TP53I11: variants seen among roughly 807,000 people sequenced by gnomAD.
The protein encoded by TP53I11 is tumor protein p53 inducible protein 11.
Under a neutral mutation model 23.3 loss-of-function variants are expected in TP53I11, and 9 were observed. The observed-to-expected ratio is 0.39, with a 90% CI of 0.23 to 0.67. The LOEUF (loss-of-function observed/expected upper bound fraction) is 0.67, where lower values mean the gene tolerates loss of function less well. Ranked by LOEUF, TP53I11 falls within the 30% of genes least tolerant of loss-of-function variation. TP53I11 has a pLI of 0.48. For synonymous variants in TP53I11, 100 were observed against 106.1 expected (o/e 0.94, Z 0.35); for missense variants, 170 against 255.2 (o/e 0.67, Z 2.27).
chr11:44,937,453 A>G, intron 3 of TP53I11, 101 bp from the exon 4 acceptor site: 2 of 1,522,884 alleles, frequency 1.3e-6, no homozygotes, highest in Non-Finnish European at 8.9e-7. Flanking sequence ...GTAATGAGAC[A>G]AAATAAAATC....
chr11:44,950,412 G>A (rs926585584), intron 1 of TP53I11, among the ~76,000 whole-genome samples: 1 of 152,184 alleles, frequency 6.6e-6, no homozygotes, highest in African/African-American at 2.4e-5. Context: ...CAGAGGGAGG[G>A]GCGGCGAGGG....
At chr11:44,947,549 C>A (rs1019570093) in intron 1 of TP53I11, among the ~76,000 whole-genome samples, 1 of 152,180 alleles carries the variant, frequency 6.6e-6, no homozygotes, top group Non-Finnish European at 1.5e-5. Context: ...CAAAAGCAAG[C>A]GGTGATTTGT....
At chr11:44,937,016 G>T in intron 4 of TP53I11, 117 bp from the exon 5 acceptor site, 1 of 816,908 alleles carries the variant, frequency 1.2e-6, no homozygotes, top group Non-Finnish European at 1.9e-6. Context: ...ATCCTTGGGG[G>T]CAGTCCAGGG....
chr11:44,936,884 C>A lies in TP53I11; in HGVS notation c.253G>T (p.Asp85Tyr). ...TCAAAGACCGCATCATAGAGCTGGT[C>A]AGGGAAGGCAAGCGCCTGCGGGCAG... is the stretch of plus-strand genomic sequence containing the variant. ...GIAIMALAFPDQLYDAVFDGA... is the reference protein window; with the variant it reads ...GIAIMALAFPYQLYDAVFDGA... Residue 85 changes from aspartate to tyrosine, a missense_variant, in exon 5 of 7, where the codon GAC (aspartate) becomes TAC (tyrosine). Asp to Tyr is a radical substitution (Grantham distance 160). Coordinates refer to ENST00000525680, the MANE Select transcript of TP53I11 (RefSeq NM_006034.5). The surrounding 1 kb of genome is among the most constrained non-coding windows in gnomAD (Gnocchi z 4.4). 6.2e-7 allele frequency: 1 copy of A among 1,607,304 alleles called. No homozygotes were observed. Among genetic ancestry groups the A allele is most frequent in the South Asian group, 1.1e-5 (1 of 89,274 alleles).
At chr11:44,944,406 A>G (rs895811138) in intron 1 of TP53I11, among the ~76,000 whole-genome samples, 3 of 152,182 alleles carry the variant, frequency 2.0e-5, no homozygotes, top group African/African-American at 7.2e-5. Context: ...GGCCCTCTTC[A>G]GCCAAGATCT....
In TP53I11 at chr11:44,936,620, C is replaced by T. The variant is rs1307850608; in HGVS notation, c.334+183G>A. On this transcript the variant is annotated intron_variant, in intron 5 of 6. Transcript: ENST00000525680. The surrounding 1 kb of genome is among the most constrained non-coding windows in gnomAD (Gnocchi z 4.4). ...CTCCAACCCACTGGGTGTATTCCAC[C>T]AATGGCCACAAGATGGCAGCACATC... 2.2e-6 allele frequency: 3 copies of T among 1,337,442 alleles called. No homozygotes were observed. Among genetic ancestry groups the T allele is most frequent in the Non-Finnish European group, 2.9e-6 (3 of 1,044,698 alleles). The allele number at this position is 1,337,442 out of a possible 1,614,324, so 82.8% of individuals were successfully genotyped here. A position where few individuals can be genotyped will look rare whatever the true frequency, so the allele number is the denominator to read the frequency against.
chr11:44,942,811 C>T (rs1015530293), intron 1 of TP53I11, among the ~76,000 whole-genome samples: 3 of 152,164 alleles, frequency 2.0e-5, no homozygotes, highest in African/African-American at 7.2e-5. Flanking sequence ...CTGAGAACGG[C>T]GCTCCACCCC....
intron 4 of TP53I11, 133 bp from the exon 5 acceptor site, chr11:44,937,032 AC>A (rs981758000): frequency 1.3e-6 from 1 of 775,968 alleles, no homozygotes; most frequent in African/African-American, 1.8e-5. Flanking sequence ...CAGGGTCTGG[AC>A]CCAATTGTCC....
Position 44,936,163 on chromosome 11 carries a change from C to T in TP53I11, c.335-501G>A. On this transcript the variant is annotated intron_variant, in intron 5 of 6. Coordinates refer to ENST00000525680, the MANE Select transcript of TP53I11 (RefSeq NM_006034.5). This position sits in a 1 kb window ranked among gnomAD's most constrained non-coding sequence, Gnocchi z 4.4. ...ATACTTTTTAGCAGAAGACCACTGA[C>T]TTGGCCTCTAGCAGGCCCCGCCCAC... is the stretch of plus-strand genomic sequence containing the variant. 2 of 967,730 alleles carry T rather than the reference C, an allele frequency of 2.1e-6. No individual in the cohort carries two copies. The highest frequency in any genetic ancestry group is 2.5e-6 in the Non-Finnish European group (2 of 807,086). The allele number at this position is 967,730 out of a possible 1,614,324, so 59.9% of individuals were successfully genotyped here.
Position 44,938,201 on chromosome 11 carries a change from C to A in TP53I11, c.129+6G>T, listed in dbSNP as rs745732020. On this transcript the variant is annotated splice_donor_region_variant and intron_variant, in intron 2 of 6. Coordinates refer to ENST00000525680, the MANE Select transcript of TP53I11 (RefSeq NM_006034.5). ...GGGTGCCGGAGGCCCCTGCTCTGCA[C>A]CCCACCTTGGAGCGATGCACCTCCC... The A allele has an allele frequency of 1.2e-6, 2 of 1,611,272 alleles. No individual in the cohort carries two copies. Among genetic ancestry groups the A allele is most frequent in the South Asian group, 2.2e-5 (2 of 90,588 alleles).
intron 1 of TP53I11, among the ~76,000 whole-genome samples, chr11:44,942,258 A>ACACACACCCAC (rs1464927074): frequency 7.2e-6 from 1 of 138,674 alleles, no homozygotes; most frequent in Non-Finnish European, 1.6e-5. Context: ...CCCACACACT[A>ACACACACCCAC]CACACACCCA....
chr11:44,944,381 C>T lies in TP53I11; in HGVS notation c.-31-6015G>A, dbSNP rs572616642. ...GGCATTTGTGATTGAATGAATGAGT[C>T]GGGAGGAGCTAAGAGGCCCTCTTCA... On this transcript the variant is annotated intron_variant, in intron 1 of 6. Coordinates refer to ENST00000525680, the MANE Select transcript of TP53I11 (RefSeq NM_006034.5). 3.3e-5 allele frequency among the ~76,000 whole-genome samples: 5 copies of T among 152,274 alleles called. No homozygotes were observed. The East Asian group carries it at 9.6e-4, about 29-fold the overall frequency.
In TP53I11 at chr11:44,936,162, A is replaced by C; in HGVS notation, c.335-500T>G. ...CATACTTTTTAGCAGAAGACCACTG[A>C]CTTGGCCTCTAGCAGGCCCCGCCCA... On this transcript the variant is annotated intron_variant, in intron 5 of 6. Transcript: ENST00000525680. This position sits in a 1 kb window ranked among gnomAD's most constrained non-coding sequence, Gnocchi z 4.4. The C allele has an allele frequency of 1.0e-6, 1 of 956,848 alleles. No homozygotes were observed. The highest frequency in any genetic ancestry group is 1.3e-6 in the Non-Finnish European group (1 of 797,482). The allele number at this position is 956,848 out of a possible 1,614,324, so 59.3% of individuals were successfully genotyped here.
In TP53I11 at chr11:44,936,861, A is replaced by G; in HGVS notation, c.276T>C (p.Phe92=). 6.2e-7 allele frequency: 1 copy of G among 1,609,776 alleles called. No homozygotes were observed. The highest frequency in any genetic ancestry group is 8.5e-7 in the Non-Finnish European group (1 of 1,178,564). Residue 92 remains phenylalanine (F), a synonymous_variant, in exon 5 of 7, where the codon TTT becomes TTC. Transcript: ENST00000525680. This position sits in a 1 kb window ranked among gnomAD's most constrained non-coding sequence, Gnocchi z 4.4. The stretch of plus-strand genomic sequence containing the variant: ...TCTTGCTGGTCACCTGGGCTCCATC[A>G]AAGACCGCATCATAGAGCTGGTCAG... ...AFPDQLYDAV[F]DGAQVTSKTP... is the part of the protein sequence containing the mutation.
At position 44,934,591 on chromosome 11, in the gene TP53I11, T is replaced by G; in HGVS notation, c.*293A>C. ...CAGCCTGACTTTAGTCAGTGTCTAT[T>G]GAGGGGGTCTGGAGGCCAAGAGACC... is the stretch of plus-strand genomic sequence containing the variant. On this transcript the variant is annotated 3_prime_UTR_variant, in exon 7 of 7. Transcript: ENST00000525680. The G allele has an allele frequency of 2.6e-6, 1 of 378,888 alleles. No homozygotes were observed. Among genetic ancestry groups the G allele is most frequent in the African/African-American group, 2.0e-5 (1 of 49,330 alleles). 23.5% of individuals were successfully genotyped at this position (378,888 alleles called of 1,614,324 possible).
At chr11:44,950,171 G>GAA (rs1203632400) in intron 1 of TP53I11, 1 of 152,306 alleles carries the variant, frequency 6.6e-6, no homozygotes, top group Non-Finnish European at 1.5e-5. Flanking sequence ...GGGGGAACTC[G>GAA]CAAGTTTGCG....
intron 1 of TP53I11, among the ~76,000 whole-genome samples, chr11:44,944,618 T>G (rs573230335): frequency 6.6e-6 from 1 of 152,088 alleles, no homozygotes; most frequent in Non-Finnish European, 1.5e-5. Flanking sequence ...TTTGTAACGA[T>G]TGGGAAAACT....
intron 1 of TP53I11, among the ~76,000 whole-genome samples, chr11:44,943,734 G>A (rs1398820040): frequency 2.0e-5 from 3 of 152,178 alleles, no homozygotes; most frequent in Admixed American, 2.0e-4. Context: ...GCCACTTATA[G>A]CCTCTACTCC....
intron 1 of TP53I11, among the ~76,000 whole-genome samples, chr11:44,946,589 G>T (rs769507851): frequency 5.3e-5 from 8 of 152,220 alleles, no homozygotes; most frequent in Non-Finnish European, 1.0e-4. Context: ...GTTGAGAAAG[G>T]TTCCACGCCC....
Sources: allele counts gnomAD v4.1 joint callset (sites outside exome capture counted in the v4.1 genomes callset), GRCh38; gene constraint gnomAD v4.1.1; non-coding constraint Gnocchi (gnomAD v3.1); transcripts MANE v1.5; gene names NCBI Gene and HGNC (gene_info 2026-07-23, HGNC 2026-07-21).